PRKAG2: variants seen among roughly 807,000 people sequenced by gnomAD.
The protein encoded by PRKAG2 is protein kinase AMP-activated non-catalytic subunit gamma 2.
PRKAG2 carries 26 observed loss-of-function variants against 69.6 expected under a neutral mutation model. The ratio of observed to expected loss-of-function variants is 0.37; its 90% CI spans 0.27 to 0.52. The LOEUF (loss-of-function observed/expected upper bound fraction) is 0.52, where lower values mean the gene tolerates loss of function less well. Ranked by LOEUF, PRKAG2 falls within the 20% of genes least tolerant of loss-of-function variation. The pLI, the probability that PRKAG2 is intolerant of heterozygous loss-of-function variation, is 0.90. For missense variants in PRKAG2, 557 were observed against 740.0 expected, an observed-to-expected ratio of 0.75 and a Z score of 2.87; for synonymous variants, 293 against 285.0, an observed-to-expected ratio of 1.03 and a Z score of -0.28.
At chr7:151,613,155 G>A (rs1281256102) in intron 5 of PRKAG2, among the ~76,000 whole-genome samples, 1 of 152,198 alleles carries the variant, frequency 6.6e-6, no homozygotes, top group African/African-American at 2.4e-5. Flanking sequence ...AGACAGTTGG[G>A]GTTGACGCAG....
At chr7:151,820,198 C>A (rs2078735878) in intron 1 of PRKAG2, among the ~76,000 whole-genome samples, 1 of 152,254 alleles carries the variant, frequency 6.6e-6, no homozygotes, top group South Asian at 2.1e-4. Context: ...GCAGCTGGAA[C>A]CTTTTTCTAA....
intron 1 of PRKAG2, among the ~76,000 whole-genome samples, chr7:151,797,504 T>G (rs1243620133): frequency 6.6e-6 from 1 of 152,158 alleles, no homozygotes; most frequent in Non-Finnish European, 1.5e-5. Flanking sequence ...GGCTTTGGGC[T>G]TTGGCCCAGA....
intron 13 of PRKAG2, among the ~76,000 whole-genome samples, chr7:151,565,017 C>T (rs370560010): frequency 6.8e-4 from 104 of 151,960 alleles, no homozygotes; most frequent in Non-Finnish European, 9.6e-4. Flanking sequence ...GTGTGCACTG[C>T]GCACGCGTCT....
chr7:151,745,443 GGCACCTCTGCGGA>G (rs1358233106), intron 3 of PRKAG2, among the ~76,000 whole-genome samples: 1 of 152,190 alleles, frequency 6.6e-6, no homozygotes, highest in African/African-American at 2.4e-5. Flanking sequence ...TTTATGAGCT[GGCACCTCTGCGGA>G]GCACCCTCTG....
intron 5 of PRKAG2, among the ~76,000 whole-genome samples, chr7:151,629,274 G>A (rs1823790277): frequency 6.6e-6 from 1 of 152,128 alleles, no homozygotes; most frequent in South Asian, 2.1e-4. Flanking sequence ...ATTCCAAGAG[G>A]GGTCTGTGAA....
At chr7:151,731,699 C>A (rs943510634) in intron 3 of PRKAG2, among the ~76,000 whole-genome samples, 1 of 152,176 alleles carries the variant, frequency 6.6e-6, no homozygotes, top group African/African-American at 2.4e-5. Flanking sequence ...GACACAGCCA[C>A]AGAGGAAACC....
intron 3 of PRKAG2, among the ~76,000 whole-genome samples, chr7:151,679,844 C>T (rs998736812): frequency 6.6e-6 from 1 of 151,898 alleles, no homozygotes; most frequent in African/African-American, 2.4e-5. Context: ...GGAGAAGGAT[C>T]ACTTGAGCCC....
At chr7:151,745,462 C>A (rs2074218560) in intron 3 of PRKAG2, among the ~76,000 whole-genome samples, 1 of 152,228 alleles carries the variant, frequency 6.6e-6, no homozygotes, top group Non-Finnish European at 1.5e-5. Context: ...GCGGAGCACC[C>A]TCTGCCCTGA....
intron 5 of PRKAG2, chr7:151,631,622 A>G (rs1256246384): frequency 2.2e-6 from 1 of 453,412 alleles, no homozygotes; most frequent in Non-Finnish European, 4.4e-6. Context: ...CCATTAAAAA[A>G]GAAGACACAC....
intron 4 of PRKAG2, among the ~76,000 whole-genome samples, chr7:151,670,911 G>A (rs1027917692): frequency 2.0e-5 from 3 of 151,990 alleles, no homozygotes; most frequent in Admixed American, 1.3e-4. Context: ...GTTGGCTCAC[G>A]CCTATAATCC....
At chr7:151,646,678 G>T (rs1325092821) in intron 4 of PRKAG2, among the ~76,000 whole-genome samples, 2 of 152,038 alleles carry the variant, frequency 1.3e-5, no homozygotes, top group Admixed American at 6.5e-5. Context: ...TGTGTTCAGT[G>T]TATTATACAT....
intron 6 of PRKAG2, among the ~76,000 whole-genome samples, chr7:151,587,273 A>G (rs1025386107): frequency 6.6e-6 from 1 of 152,230 alleles, no homozygotes; most frequent in Non-Finnish European, 1.5e-5. Flanking sequence ...TTATAACCCA[A>G]AAATAAATAT....
chr7:151,699,180 A>T lies in PRKAG2; in HGVS notation c.467-23543T>A, dbSNP rs868594820. The stretch of plus-strand genomic sequence containing the variant: ...CCCTGCCCCAAGTTGTGTCTCTTTG[A>T]CACCTGGGATGTAAGCTGTGAAAGC... On this transcript the variant is annotated intron_variant, in intron 3 of 15. Transcript: ENST00000287878. This position sits in a 1 kb window ranked among gnomAD's most constrained non-coding sequence, Gnocchi z 4.5. Among the ~76,000 whole-genome samples, 33 of 152,266 alleles carry T rather than the reference A, an allele frequency of 2.2e-4. No individual in the cohort carries two copies. Among genetic ancestry groups the T allele is most frequent in the Middle Eastern group, 3.4e-3 (1 of 294 alleles).
intron 5 of PRKAG2, among the ~76,000 whole-genome samples, chr7:151,600,579 C>T (rs1815802349): frequency 6.6e-6 from 1 of 152,134 alleles, no homozygotes; most frequent in African/African-American, 2.4e-5. Flanking sequence ...CAAATGTCTC[C>T]CTCCTGATGT....
At chr7:151,750,985 C>T (rs2074633550) in intron 3 of PRKAG2, among the ~76,000 whole-genome samples, 1 of 152,008 alleles carries the variant, frequency 6.6e-6, no homozygotes, top group Non-Finnish European at 1.5e-5. Context: ...ATTAATTCTA[C>T]AATCTGGATT....
intron 3 of PRKAG2, among the ~76,000 whole-genome samples, chr7:151,698,011 C>T (rs148220358): frequency 7.2e-5 from 11 of 152,270 alleles, no homozygotes; most frequent in Non-Finnish European, 1.3e-4. Context: ...TCCTCTGTGC[C>T]AGCCCCCTGG....
chr7:151,646,232 G>T (rs1031861056), intron 4 of PRKAG2, among the ~76,000 whole-genome samples: 3 of 152,068 alleles, frequency 2.0e-5, no homozygotes, highest in African/African-American at 7.2e-5. Context: ...AAACCTACTG[G>T]AATCTTGGCT....
chr7:151,779,013 A>G (rs1056797905), intron 3 of PRKAG2, among the ~76,000 whole-genome samples: 1 of 152,176 alleles, frequency 6.6e-6, no homozygotes, highest in African/African-American at 2.4e-5. Flanking sequence ...TATTATATGC[A>G]TATGCTTTCT....
At chr7:151,721,455 G>A (rs1386054564) in intron 3 of PRKAG2, among the ~76,000 whole-genome samples, 2 of 152,124 alleles carry the variant, frequency 1.3e-5, no homozygotes, top group Non-Finnish European at 2.9e-5. Flanking sequence ...GTGCCTGAGG[G>A]CCTGGCTCCC....
Sources: allele counts gnomAD v4.1 joint callset (sites outside exome capture counted in the v4.1 genomes callset), GRCh38; gene constraint gnomAD v4.1.1; non-coding constraint Gnocchi (gnomAD v3.1); transcripts MANE v1.5; gene names NCBI Gene and HGNC (gene_info 2026-07-23, HGNC 2026-07-21).